CDH2: variants seen among roughly 807,000 people sequenced by gnomAD.
The protein encoded by CDH2 is cadherin 2, also known as cadherin-2.
A neutral mutation model predicts 92.0 loss-of-function variants in CDH2; 17 were observed. That is an observed-to-expected ratio of 0.18 (90% CI 0.13 to 0.28). The LOEUF (loss-of-function observed/expected upper bound fraction) is 0.28, where lower values mean the gene tolerates loss of function less well. Among genes scored for constraint, CDH2 ranks in the 10% least tolerant of loss-of-function variants. CDH2 has a pLI of 1.00. For synonymous variants in CDH2, 419 were observed against 415.9 expected (o/e 1.01, Z -0.09); for missense variants, 862 against 1,133.1 (o/e 0.76, Z 3.44).
chr18:28,055,717 T>C (rs2014278999), intron 2 of CDH2, among the ~76,000 whole-genome samples: 2 of 152,220 alleles, frequency 1.3e-5, no homozygotes, highest in Admixed American at 1.3e-4. Flanking sequence ...TAATTTTAAG[T>C]ATGTTTAAAC....
intron 2 of CDH2, among the ~76,000 whole-genome samples, chr18:28,119,315 G>C (rs998573662): frequency 8.6e-5 from 13 of 152,014 alleles, no homozygotes; most frequent in Non-Finnish European, 1.3e-4. Flanking sequence ...CCTGGCAAAG[G>C]ACCACCATAT....
At chr18:28,087,762 A>T (rs1367876359) in intron 2 of CDH2, among the ~76,000 whole-genome samples, 1 of 151,986 alleles carries the variant, frequency 6.6e-6, no homozygotes, top group East Asian at 1.9e-4. Context: ...AAAGAAAAAC[A>T]AAACAAAACA....
At chr18:28,123,721 C>T (rs996221928) in intron 2 of CDH2, among the ~76,000 whole-genome samples, 2 of 152,114 alleles carry the variant, frequency 1.3e-5, no homozygotes, top group Admixed American at 6.6e-5. Context: ...TCCACTGTAT[C>T]GATCTCACTA....
intron 2 of CDH2, among the ~76,000 whole-genome samples, chr18:28,042,620 G>A (rs1158003697): frequency 6.6e-6 from 1 of 152,106 alleles, no homozygotes; most frequent in East Asian, 1.9e-4. Context: ...TAGGGATACT[G>A]CAGTGAACAA....
intron 7 of CDH2, among the ~76,000 whole-genome samples, chr18:27,997,204 A>G (rs1421751231): frequency 6.6e-6 from 1 of 152,210 alleles, no homozygotes; most frequent in Non-Finnish European, 1.5e-5. Flanking sequence ...TTAAAATCTT[A>G]TGCACGTGCA....
chr18:27,980,759 T>C (rs1455155894), intron 14 of CDH2, among the ~76,000 whole-genome samples: 2 of 132,644 alleles, frequency 1.5e-5, no homozygotes, highest in African/African-American at 2.9e-5. Flanking sequence ...GAAGTAGATA[T>C]GAAGCACATT....
At chr18:27,945,331 T>TTC (rs1269783249) in intron 6 of CDH2, among the ~76,000 whole-genome samples, 1 of 138,256 alleles carries the variant, frequency 7.2e-6, no homozygotes, top group Non-Finnish European at 1.5e-5. Context: ...AGATTTTTTT[T>TTC]TTTTTTTTTT....
intron 2 of CDH2, among the ~76,000 whole-genome samples, chr18:28,105,374 T>C (rs773941802): frequency 6.6e-6 from 1 of 152,200 alleles, no homozygotes; most frequent in Non-Finnish European, 1.5e-5. Flanking sequence ...TATCAAGATG[T>C]TGTGATTTCA....
chr18:28,164,130 C>CAT (rs1346460250), intron 1 of CDH2, among the ~76,000 whole-genome samples: 6 of 152,210 alleles, frequency 3.9e-5, no homozygotes, highest in Non-Finnish European at 5.9e-5. Context: ...AAGTGACCTT[C>CAT]ATATATATAT....
intron 2 of CDH2, among the ~76,000 whole-genome samples, chr18:28,057,264 T>A (rs541019814): frequency 4.0e-4 from 61 of 152,300 alleles, no homozygotes; most frequent in African/African-American, 1.3e-3. Flanking sequence ...AACTGCTAAA[T>A]GAACATCAAG....
chr18:28,105,644 A>G (rs2015308409), intron 2 of CDH2, among the ~76,000 whole-genome samples: 1 of 152,326 alleles, frequency 6.6e-6, no homozygotes, highest in Non-Finnish European at 1.5e-5. Flanking sequence ...TATATCAGTC[A>G]TTCAGTAAAC....
intron 6 of CDH2, among the ~76,000 whole-genome samples, chr18:28,005,387 T>C (rs1005058893): frequency 6.6e-6 from 1 of 152,172 alleles, no homozygotes; most frequent in South Asian, 2.1e-4. Context: ...GCCCCTTCCA[T>C]GCTTTCGCTA....
At chr18:28,114,540 T>C (rs963765078) in intron 2 of CDH2, among the ~76,000 whole-genome samples, 6 of 152,298 alleles carry the variant, frequency 3.9e-5, no homozygotes, top group African/African-American at 1.4e-4. Flanking sequence ...TTTTCCTAAA[T>C]TGGCCTGACA....
chr18:28,142,277 G>C (rs1303589673), intron 2 of CDH2, among the ~76,000 whole-genome samples: 2 of 151,918 alleles, frequency 1.3e-5, no homozygotes, highest in African/African-American at 4.8e-5. Flanking sequence ...CTCGTTCTAA[G>C]TTTGTGAGGG....
At chr18:28,133,976 T>C (rs1045469436) in intron 2 of CDH2, among the ~76,000 whole-genome samples, 1 of 151,828 alleles carries the variant, frequency 6.6e-6, no homozygotes, top group Non-Finnish European at 1.5e-5. Context: ...CTGGGCAACA[T>C]AGCAAGACCT....
chr18:28,020,606 T>C (rs1319437072), intron 2 of CDH2, among the ~76,000 whole-genome samples: 1 of 152,060 alleles, frequency 6.6e-6, no homozygotes, highest in African/African-American at 2.4e-5. Context: ...TTTCAACTTT[T>C]ATTTTTCAAA....
chr18:27,968,091 C>CAAGA (rs1273700826), intron 14 of CDH2, among the ~76,000 whole-genome samples: 1 of 152,162 alleles, frequency 6.6e-6, no homozygotes, highest in Non-Finnish European at 1.5e-5. Flanking sequence ...GGTCAGAGAG[C>CAAGA]AAGAAAGCAA....
intron 2 of CDH2, among the ~76,000 whole-genome samples, chr18:28,061,792 C>T (rs1354975426): frequency 6.6e-6 from 1 of 152,148 alleles, no homozygotes. Context: ...TACATGGCGG[C>T]AGGCAAGATA....
intron 2 of CDH2, among the ~76,000 whole-genome samples, chr18:28,119,552 A>G (rs998519733): frequency 4.6e-5 from 7 of 152,162 alleles, no homozygotes; most frequent in African/African-American, 1.7e-4. Context: ...ATAATGCCTT[A>G]ATATTGAGCA....
Sources: allele counts gnomAD v4.1 joint callset (sites outside exome capture counted in the v4.1 genomes callset), GRCh38; gene constraint gnomAD v4.1.1; transcripts MANE v1.5; gene names NCBI Gene and HGNC (gene_info 2026-07-23, HGNC 2026-07-21).